The following LRRC28 variants were observed in gnomAD, a reference collection of about 807,000 sequenced individuals.
LRRC28 encodes leucine rich repeat containing 28.
Under a neutral mutation model 45.7 loss-of-function variants are expected in LRRC28, and 39 were observed. The ratio of observed to expected loss-of-function variants is 0.85; its 90% CI spans 0.66 to 1.12. The LOEUF (loss-of-function observed/expected upper bound fraction) is 1.12. Ranked by LOEUF, LRRC28 falls within the 50% of genes most tolerant of loss-of-function variation. The pLI is 0.00. For missense variants in LRRC28, 435 were observed against 438.5 expected (o/e 0.99, Z 0.07); for synonymous variants, 206 against 178.8 (o/e 1.15, Z -1.22).
intron 5 of LRRC28, among the ~76,000 whole-genome samples, chr15:99,316,451 T>C (rs933466927): frequency 3.3e-5 from 5 of 152,070 alleles, no homozygotes; most frequent in African/African-American, 9.7e-5. Context: ...ACTAGAGAAA[T>C]GGGAATTAGG....
At chr15:99,335,568 G>T (rs1428554364) in intron 6 of LRRC28, among the ~76,000 whole-genome samples, 1 of 152,118 alleles carries the variant, frequency 6.6e-6, no homozygotes, top group East Asian at 1.9e-4. Flanking sequence ...GAAGTGGAAG[G>T]ATCACTTGAG....
intron 5 of LRRC28, among the ~76,000 whole-genome samples, chr15:99,304,542 T>G (rs912864522): frequency 6.6e-6 from 1 of 152,160 alleles, no homozygotes; most frequent in Non-Finnish European, 1.5e-5. Flanking sequence ...GTGATTCTTG[T>G]GCCTCAGTCT....
At chr15:99,272,636 C>T (rs1418417546) in intron 2 of LRRC28, among the ~76,000 whole-genome samples, 5 of 152,160 alleles carry the variant, frequency 3.3e-5, no homozygotes, top group South Asian at 2.1e-4. Flanking sequence ...AAGTTTTATA[C>T]TAACTGTGCT....
intron 6 of LRRC28, among the ~76,000 whole-genome samples, chr15:99,339,985 A>G (rs1342566795): frequency 6.6e-6 from 1 of 152,244 alleles, no homozygotes; most frequent in Non-Finnish European, 1.5e-5. Flanking sequence ...AATATCAAAT[A>G]TAAATAGATT....
chr15:99,375,694 TA>T (rs894591152), intron 9 of LRRC28, among the ~76,000 whole-genome samples: 1 of 152,162 alleles, frequency 6.6e-6, no homozygotes, highest in Non-Finnish European at 1.5e-5. Flanking sequence ...TGAGTTTTGG[TA>T]GTTTGTAGTT....
At chr15:99,306,690 GT>G (rs1206919032) in intron 5 of LRRC28, among the ~76,000 whole-genome samples, 2 of 152,310 alleles carry the variant, frequency 1.3e-5, no homozygotes, top group East Asian at 1.9e-4. Flanking sequence ...GTTCTGGCAG[GT>G]TTTAAAAGAA....
chr15:99,290,749 A>C (rs1267693737), intron 5 of LRRC28, among the ~76,000 whole-genome samples: 1 of 152,118 alleles, frequency 6.6e-6, no homozygotes, highest in East Asian at 1.9e-4. Flanking sequence ...TGAAGCCAGG[A>C]GTTCGAGACC....
intron 6 of LRRC28, among the ~76,000 whole-genome samples, chr15:99,340,543 A>G (rs185616087): frequency 7.5e-4 from 115 of 152,366 alleles, no homozygotes; most frequent in African/African-American, 2.6e-3. Context: ...AGACTTGGAG[A>G]TGAGTGTAAA....
intron 6 of LRRC28, among the ~76,000 whole-genome samples, 194 bp downstream of exon 6, chr15:99,334,323 T>C (rs1185361250): frequency 6.6e-6 from 1 of 152,034 alleles, no homozygotes; most frequent in Admixed American, 6.6e-5. Flanking sequence ...GATTTTATAC[T>C]TTAAAAAAGA....
intron 6 of LRRC28, among the ~76,000 whole-genome samples, chr15:99,348,331 G>GA (rs943704815): frequency 3.3e-4 from 50 of 151,982 alleles, no homozygotes; most frequent in African/African-American, 1.2e-3. Context: ...GTGTGATATC[G>GA]AAAAAATCAT....
At chr15:99,303,561 C>T (rs187116751) in intron 5 of LRRC28, among the ~76,000 whole-genome samples, 32 of 152,240 alleles carry the variant, frequency 2.1e-4, no homozygotes, top group African/African-American at 5.8e-4. Context: ...GGCCTGGGCA[C>T]GGTGGCTCAT....
chr15:99,323,592 CATCT>C (rs1432829570), intron 5 of LRRC28, among the ~76,000 whole-genome samples: 1 of 152,082 alleles, frequency 6.6e-6, no homozygotes, highest in Non-Finnish European at 1.5e-5. Flanking sequence ...TTCTGAAAGT[CATCT>C]ATCTCCCAAT....
chr15:99,275,608 A>T (rs930678932), intron 2 of LRRC28, among the ~76,000 whole-genome samples: 1 of 152,194 alleles, frequency 6.6e-6, no homozygotes, highest in Non-Finnish European at 1.5e-5. Context: ...GTATTCTCTG[A>T]CAGTTCTTGA....
chr15:99,318,590 G>C (rs1393606728), intron 5 of LRRC28, among the ~76,000 whole-genome samples: 1 of 151,820 alleles, frequency 6.6e-6, no homozygotes, highest in Non-Finnish European at 1.5e-5. Context: ...GGTTATCTGA[G>C]AACTCTAAAC....
At chr15:99,313,514 C>T (rs527702781) in intron 5 of LRRC28, among the ~76,000 whole-genome samples, 1 of 152,210 alleles carries the variant, frequency 6.6e-6, no homozygotes, top group Admixed American at 6.5e-5. Context: ...ACACATAGAA[C>T]ATTCTTCAGG....
At chr15:99,278,272 G>A (rs756991862) in intron 3 of LRRC28, among the ~76,000 whole-genome samples, 5 of 152,066 alleles carry the variant, frequency 3.3e-5, no homozygotes, top group Non-Finnish European at 4.4e-5. Context: ...TTTTAAGACC[G>A]AATTTCACTC....
At chr15:99,259,105 T>C in intron 2 of LRRC28, 1 of 1,303,336 alleles carries the variant, frequency 7.7e-7, no homozygotes, top group Non-Finnish European at 1.1e-6. Context: ...TTGGTGTAAT[T>C]GAAGACCACT....
chr15:99,287,776 A>G lies in LRRC28; in HGVS notation c.248-38A>G, dbSNP rs967580640. The G allele has an allele frequency of 3.2e-6, 5 of 1,561,586 alleles. No homozygotes were observed. The Admixed American group carries it at 9.6e-5, about 30-fold the overall frequency. ...CTTTAAAGATTTGATGTAATACTTG[A>G]GTCAAATTCATTTTGCCTTCTCCTT... On this transcript the variant is annotated intron_variant, in intron 4 of 9. Transcript: ENST00000301981.
chr15:99,328,952 A>G (rs1243960716), intron 5 of LRRC28, among the ~76,000 whole-genome samples: 1 of 151,938 alleles, frequency 6.6e-6, no homozygotes, highest in African/African-American at 2.4e-5. Flanking sequence ...CAGCTTGCAG[A>G]CAGTCTGTCA....
Sources: gnomAD v4.1 joint callset for allele counts (sites outside exome capture counted in the v4.1 genomes callset) on GRCh38, gnomAD v4.1.1 for gene constraint, MANE v1.5 for transcripts, NCBI Gene and HGNC (gene_info 2026-07-23, HGNC 2026-07-21) for gene names.